Variants in SEC14L1 observed in about 807,000 individuals in gnomAD.
SEC14L1 encodes SEC14-like protein 1.
In SEC14L1, 48 loss-of-function variants were observed where a neutral mutation model predicts 85.3. The observed-to-expected ratio is 0.56, with a 90% confidence interval of 0.45 to 0.72. SEC14L1 has a LOEUF of 0.72. Among genes scored for constraint, SEC14L1 ranks in the 30% least tolerant of loss-of-function variants. The probability of loss-of-function intolerance (pLI) is 0.00; values close to 1 mark genes in which losing one functional copy is unlikely to be tolerated. For missense variants in SEC14L1, 682 were observed against 921.4 expected (o/e 0.74, Z 3.36); for synonymous variants, 391 against 355.5 (o/e 1.10, Z -1.12).
intron 3 of SEC14L1, among the ~76,000 whole-genome samples, chr17:77,167,345 G>T (rs574739363): frequency 8.5e-4 from 129 of 152,218 alleles, no homozygotes; most frequent in Non-Finnish European, 1.6e-3. Context: ...ATGTTGGCCA[G>T]GCTGGTCTCA....
intron 8 of SEC14L1, among the ~76,000 whole-genome samples, chr17:77,198,677 C>T (rs1276993731): frequency 6.6e-6 from 1 of 151,470 alleles, no homozygotes; most frequent in African/African-American, 2.4e-5. Context: ...TGGGTTCACG[C>T]CATTCTTCTG....
At chr17:77,102,479 C>T (rs1246458164) in intron 3 of SEC14L1, among the ~76,000 whole-genome samples, 1 of 152,010 alleles carries the variant, frequency 6.6e-6, no homozygotes, top group African/African-American at 2.4e-5. Flanking sequence ...AGGGTATCTT[C>T]CCTTGTTTTC....
intron 3 of SEC14L1, among the ~76,000 whole-genome samples, chr17:77,159,694 T>C (rs2008417): frequency 0.067 from 10,266 of 152,258 alleles, 476 homozygotes; most frequent in South Asian, 0.16. Flanking sequence ...CTTTTATATT[T>C]GATAGATTCC....
intron 3 of SEC14L1, among the ~76,000 whole-genome samples, chr17:77,124,410 A>ATAT (rs1325546283): frequency 6.6e-5 from 10 of 152,028 alleles, no homozygotes; most frequent in African/African-American, 2.4e-4. Flanking sequence ...CTGCTTCAGG[A>ATAT]TATTGTTCTC....
chr17:77,172,835 C>T lies in SEC14L1; in HGVS notation c.64-17968C>T, dbSNP rs1466543789. 2.0e-5 allele frequency among the ~76,000 whole-genome samples: 3 copies of T among 152,104 alleles called. No homozygotes were observed. In the East Asian group the frequency reaches 5.8e-4, roughly 29 times the overall value. On this transcript the variant is annotated intron_variant, in intron 3 of 16. Transcript: ENST00000436233. ...GATGCGGAATACAGATTTTTGAGTT[C>T]CTTTAATTATCAGTTCTCCAAGGTC...
At chr17:77,193,276 G>A in intron 5 of SEC14L1, 145 bp from the exon 6 acceptor site, 1 of 619,090 alleles carries the variant, frequency 1.6e-6, no homozygotes, top group Non-Finnish European at 2.6e-6. Flanking sequence ...CATGATTTTG[G>A]CATTTTTTCC....
intron 3 of SEC14L1, among the ~76,000 whole-genome samples, chr17:77,124,577 T>C (rs1972388440): frequency 6.6e-6 from 1 of 152,224 alleles, no homozygotes; most frequent in Non-Finnish European, 1.5e-5. Context: ...GTTTTGTTCT[T>C]TGCTGTGAAA....
intron 10 of SEC14L1, among the ~76,000 whole-genome samples, chr17:77,204,831 G>A (rs1333315796): frequency 6.6e-6 from 1 of 152,156 alleles, no homozygotes; most frequent in East Asian, 1.9e-4. Context: ...TTATCTACAG[G>A]GGAGGGGTTT....
intron 3 of SEC14L1, among the ~76,000 whole-genome samples, chr17:77,149,324 T>C (rs1973454721): frequency 6.6e-6 from 1 of 152,234 alleles, no homozygotes; most frequent in Non-Finnish European, 1.5e-5. Context: ...TCTGTGGGCA[T>C]GCAGATGTGT....
intron 3 of SEC14L1, among the ~76,000 whole-genome samples, chr17:77,100,074 A>G (rs1293047518): frequency 6.6e-6 from 1 of 152,240 alleles, no homozygotes; most frequent in Non-Finnish European, 1.5e-5. Flanking sequence ...AGCGGGAGCC[A>G]TTTTCCATTC....
upstream of SEC14L1, among the ~76,000 whole-genome samples, chr17:77,140,416 G>A (rs761158084): frequency 1.1e-4 from 17 of 152,228 alleles, no homozygotes; most frequent in Admixed American, 2.0e-4. Context: ...CCATTACTCG[G>A]CGAGAATGCG....
At position 77,213,713 on chromosome 17, in the gene SEC14L1, T is replaced by TTAGCTCACACTGCCG. The variant is rs1567940140; in HGVS notation, c.2043-203_2043-189dup. The TTAGCTCACACTGCCG allele has an allele frequency of 2.3e-6, 2 of 858,778 alleles. No individual in the cohort carries two copies. The highest frequency in any genetic ancestry group is 3.8e-6 in the Non-Finnish European group (2 of 527,778). 53.2% of individuals were successfully genotyped at this position (858,778 alleles called of 1,614,324 possible). On this transcript the variant is annotated intron_variant, in intron 16 of 16. Transcript: ENST00000436233. The surrounding 1 kb of genome is among the most constrained non-coding windows in gnomAD (Gnocchi z 7.1). ...ACAGAGCCGACTGACTGCCTTTGCT[T>TTAGCTCACACTGCCG]TAGCTCACACTGCCGTCTGCGTGCA...
At chr17:77,089,472 A>G (rs201524670) in intron 2 of SEC14L1, 1 of 518,844 alleles carries the variant, frequency 1.9e-6, no homozygotes, top group Admixed American at 1.9e-5. Flanking sequence ...TTTGATGATC[A>G]TGTATGATAC....
In SEC14L1 at chr17:77,130,603, G is replaced by A. The variant is rs552882828; in HGVS notation, c.-135-12043G>A. Among the ~76,000 whole-genome samples, 4 of 149,238 alleles carry A rather than the reference G, an allele frequency of 2.7e-5. No homozygotes were observed. In the East Asian group the frequency reaches 6.0e-4, roughly 22 times the overall value. On this transcript the variant is annotated intron_variant, in intron 3 of 19. Coordinates refer to the SEC14L1 transcript ENST00000392476. ...CTCCCAAAGTGCTGGGATGACAGGC[G>A]TGAGCCACTGAGCCCAGCCTATTTA...
intron 8 of SEC14L1, among the ~76,000 whole-genome samples, chr17:77,200,035 G>A (rs139581024): frequency 8.3e-4 from 127 of 152,292 alleles, no homozygotes; most frequent in African/African-American, 2.9e-3. Flanking sequence ...GCGTGGTGGC[G>A]TGTGCCTGTG....
At chr17:77,195,076 A>AC (rs1162700151) in intron 7 of SEC14L1, 165 bp downstream of exon 7, 1 of 591,804 alleles carries the variant, frequency 1.7e-6, no homozygotes, top group African/African-American at 1.9e-5. Flanking sequence ...CTTATGTAAT[A>AC]CATTCATTTT....
intron 5 of SEC14L1, 43 bp from the exon 6 acceptor site, chr17:77,193,378 G>A (rs748101505): frequency 6.5e-7 from 1 of 1,545,326 alleles, no homozygotes; most frequent in African/African-American, 1.4e-5. Flanking sequence ...ATGATATTCT[G>A]TTGTCAATTC....
chr17:77,203,131 T>C (rs1976258144), intron 9 of SEC14L1, among the ~76,000 whole-genome samples: 1 of 152,186 alleles, frequency 6.6e-6, no homozygotes, highest in Non-Finnish European at 1.5e-5. Context: ...ATTTTAAAAG[T>C]ACTCTGTAGT....
chr17:77,196,220 A>G lies in SEC14L1; in HGVS notation c.728A>G (p.Tyr243Cys). 1 of 1,613,838 alleles carries G rather than the reference A, an allele frequency of 6.2e-7. No homozygotes were observed. The highest frequency in any genetic ancestry group is 2.2e-5 in the East Asian group (1 of 44,876). ...GTPDDKLDAD[Y>C]IKRYLGDLTP... ...ATTCCAGACAAACTAGATGCCGACTACATCAAGAGATACCTGGGCGATTTG... is the reference window on the plus strand; with the variant it reads ...ATTCCAGACAAACTAGATGCCGACTGCATCAAGAGATACCTGGGCGATTTG... Residue 243 changes from tyrosine (Y) to cysteine (C), a missense_variant, in exon 8 of 17, where the codon TAC becomes TGC. By Grantham distance (194) the Tyr-to-Cys change is radical. Transcript: ENST00000436233.
Sources: gnomAD v4.1 joint callset for allele counts (sites outside exome capture counted in the v4.1 genomes callset) on GRCh38, gnomAD v4.1.1 for gene constraint, Gnocchi (gnomAD v3.1) non-coding constraint, MANE v1.5 for transcripts, NCBI Gene and HGNC (gene_info 2026-07-23, HGNC 2026-07-21) for gene names.